Variants in GULP1 observed in about 807,000 individuals in gnomAD.
GULP1 encodes the protein GULP PTB domain containing engulfment adaptor 1.
In GULP1, 19 loss-of-function variants were observed where a neutral mutation model predicts 40.9. That is an observed-to-expected ratio of 0.46 (90% CI 0.32 to 0.68). The LOEUF (loss-of-function observed/expected upper bound fraction) is 0.68, where lower values mean the gene tolerates loss of function less well. Among genes scored for constraint, GULP1 ranks in the 30% least tolerant of loss-of-function variants. GULP1 has a pLI of 0.03. For missense variants in GULP1, 312 were observed against 362.2 expected (o/e 0.86, Z 1.12); for synonymous variants, 119 against 117.6 (o/e 1.01, Z -0.08).
rs141048771 is a variant in GULP1 at position 188,422,679 on chromosome 2, A to G, written c.-45+38790A>G. On this transcript the variant is annotated intron_variant, in intron 2 of 11. Transcript: ENST00000409830. ...AATTTTGATACAATTTTTAAAATCCATGTTTAAATTCAAGTGGGAATTTTT... is the reference window on the plus strand; with the variant it reads ...AATTTTGATACAATTTTTAAAATCCGTGTTTAAATTCAAGTGGGAATTTTT... Among the ~76,000 whole-genome samples, 177 of 152,228 alleles carry G rather than the reference A, an allele frequency of 1.2e-3. 5 individuals carry two copies. The East Asian group carries it at 0.026, about 22-fold the overall frequency.
chr2:188,593,860 T>C, intron 11 of GULP1, 80 bp from the exon 12 acceptor site: 2 of 790,276 alleles, frequency 2.5e-6, no homozygotes, highest in Non-Finnish European at 2.2e-6. Context: ...ATTTCAACTT[T>C]AGTGCATAGT....
intron 2 of GULP1, among the ~76,000 whole-genome samples, chr2:188,420,197 A>G (rs1019627537): frequency 1.3e-5 from 2 of 152,042 alleles, no homozygotes; most frequent in African/African-American, 2.4e-5. Flanking sequence ...TGAATTTTAG[A>G]TATTTGTTCT....
chr2:188,333,679 TAGA>T, intron 1 of GULP1, among the ~76,000 whole-genome samples: 1 of 152,332 alleles, frequency 6.6e-6, no homozygotes, highest in East Asian at 1.9e-4. Flanking sequence ...AAAGCCAATT[TAGA>T]AGACATGTAA....
chr2:188,480,809 CA>C (rs2061392448), intron 3 of GULP1, among the ~76,000 whole-genome samples: 1 of 151,766 alleles, frequency 6.6e-6, no homozygotes, highest in Non-Finnish European at 1.5e-5. Context: ...CAACTAGTTA[CA>C]TTTTTTTAAA....
chr2:188,548,827 G>GGCTTTGTTTT (rs1692656099), intron 7 of GULP1, among the ~76,000 whole-genome samples: 2 of 149,458 alleles, frequency 1.3e-5, no homozygotes, highest in African/African-American at 4.9e-5. Flanking sequence ...GGGGAAAGAA[G>GGCTTTGTTTT]GTTTTGTTTT....
At chr2:188,474,658 T>TA (rs894087336) in intron 2 of GULP1, among the ~76,000 whole-genome samples, 1 of 152,184 alleles carries the variant, frequency 6.6e-6, no homozygotes, top group African/African-American at 2.4e-5. Flanking sequence ...CTTTCAGTGA[T>TA]ACTGAGTTAA....
At chr2:188,552,753 A>G (rs182994729) in intron 7 of GULP1, among the ~76,000 whole-genome samples, 45 of 151,668 alleles carry the variant, frequency 3.0e-4, no homozygotes, top group African/African-American at 1.1e-3. Flanking sequence ...TGAATATAGG[A>G]TATTTTTCTA....
At chr2:188,356,032 C>G (rs1230345369) in intron 1 of GULP1, among the ~76,000 whole-genome samples, 1 of 151,936 alleles carries the variant, frequency 6.6e-6, no homozygotes, top group Non-Finnish European at 1.5e-5. Context: ...GAGGAACATG[C>G]CTCAACATAA....
intron 11 of GULP1, 151 bp from the exon 12 acceptor site, chr2:188,593,789 T>TA: frequency 3.5e-6 from 2 of 577,918 alleles, no homozygotes. Flanking sequence ...TACACCTATA[T>TA]AAAAATTCAG....
At chr2:188,533,109 T>A (rs1405905073) in intron 6 of GULP1, among the ~76,000 whole-genome samples, 2 of 152,186 alleles carry the variant, frequency 1.3e-5, no homozygotes, top group Non-Finnish European at 2.9e-5. Flanking sequence ...CCTGCTCTCC[T>A]GATTGTTGGT....
At chr2:188,430,516 C>T (rs2056744107) in intron 2 of GULP1, among the ~76,000 whole-genome samples, 1 of 152,148 alleles carries the variant, frequency 6.6e-6, no homozygotes, top group South Asian at 2.1e-4. Flanking sequence ...ATATGTGACT[C>T]TTAGCGACAA....
intron 2 of GULP1, among the ~76,000 whole-genome samples, chr2:188,438,015 C>T (rs1197209711): frequency 6.6e-6 from 1 of 151,986 alleles, no homozygotes; most frequent in Non-Finnish European, 1.5e-5. Flanking sequence ...TAAAACAGAG[C>T]TCTGTGACAT....
At chr2:188,355,259 G>C (rs749386841) in intron 1 of GULP1, among the ~76,000 whole-genome samples, 1 of 151,570 alleles carries the variant, frequency 6.6e-6, no homozygotes, top group Non-Finnish European at 1.5e-5. Flanking sequence ...TTTCTTAAAA[G>C]ATAAGTAAAA....
At chr2:188,522,569 G>A (rs1432305887) in intron 4 of GULP1, among the ~76,000 whole-genome samples, 187 bp from the exon 5 acceptor site, 1 of 151,580 alleles carries the variant, frequency 6.6e-6, no homozygotes, top group African/African-American at 2.4e-5. Context: ...TTAACAGGAA[G>A]TATAAATGAT....
intron 2 of GULP1, among the ~76,000 whole-genome samples, chr2:188,419,043 A>G (rs915867145): frequency 6.6e-6 from 1 of 152,162 alleles, no homozygotes; most frequent in African/African-American, 2.4e-5. Context: ...TGCTTTGCAG[A>G]TTGCAGAATT....
chr2:188,338,884 G>C (rs1277057007), intron 1 of GULP1, among the ~76,000 whole-genome samples: 1 of 152,130 alleles, frequency 6.6e-6, no homozygotes, highest in Non-Finnish European at 1.5e-5. Flanking sequence ...CTTCCACTCT[G>C]TGTGGAAGTT....
chr2:188,427,178 A>G (rs139134736), intron 2 of GULP1, among the ~76,000 whole-genome samples: 25 of 152,320 alleles, frequency 1.6e-4, no homozygotes, highest in Non-Finnish European at 2.9e-4. Flanking sequence ...GCTCATATGA[A>G]TGAGCAAATA....
In GULP1 at chr2:188,419,556, GT is replaced by G. The variant is rs1050928401; in HGVS notation, c.-45+35678del. Reference sequence around the variant, plus strand: ...CCCATTTTTTAATTGGGCCATTTGTGTTTTTTTTTTTAATATTGAGTTATAG... The same window carrying G: ...CCCATTTTTTAATTGGGCCATTTGTGTTTTTTTTTTAATATTGAGTTATAG... On this transcript the variant is annotated intron_variant, in intron 2 of 11. Coordinates refer to ENST00000409830, the MANE Select transcript of GULP1 (RefSeq NM_016315.4). 7.0e-3 allele frequency among the ~76,000 whole-genome samples: 984 copies of G among 140,478 alleles called. 7 individuals are homozygous for G. The highest frequency in any genetic ancestry group is 0.017 in the African/African-American group (669 of 38,510). The allele number at this position is 140,478 out of a possible 152,430, so 92.2% of individuals were successfully genotyped here.
intron 1 of GULP1, among the ~76,000 whole-genome samples, chr2:188,324,683 CA>C (rs1353426505): frequency 6.6e-6 from 1 of 151,660 alleles, no homozygotes; most frequent in Non-Finnish European, 1.5e-5. Context: ...TGTATTATTT[CA>C]AGGGTTGAAA....
Sources: allele counts gnomAD v4.1 joint callset (sites outside exome capture counted in the v4.1 genomes callset), GRCh38; gene constraint gnomAD v4.1.1; transcripts MANE v1.5; gene names NCBI Gene and HGNC (gene_info 2026-07-23, HGNC 2026-07-21).